Variants in MDGA2 observed in about 807,000 individuals in gnomAD.
MDGA2 encodes MAM domain containing glycosylphosphatidylinositol anchor 2, also known as MAM domain-containing glycosylphosphatidylinositol anchor protein 2.
MDGA2 carries 40 observed loss-of-function variants against 117.8 expected under a neutral mutation model. The ratio of observed to expected loss-of-function variants is 0.34; its 90% CI spans 0.26 to 0.44. The LOEUF (loss-of-function observed/expected upper bound fraction) is 0.44, where lower values mean the gene tolerates loss of function less well. MDGA2 is among the 20% of genes least tolerant of loss of function. The pLI is 1.00. For synonymous variants in MDGA2, 452 were observed against 439.0 expected (o/e 1.03, Z -0.37); for missense variants, 1,123 against 1,250.6 (o/e 0.90, Z 1.54).
In MDGA2 at chr14:47,486,086, C is replaced by T. The variant is rs11848188; in HGVS notation, c.281-184536G>A. On this transcript the variant is annotated intron_variant, in intron 1 of 16. Coordinates refer to ENST00000399232, the MANE Select transcript of MDGA2 (RefSeq NM_001113498.3). ...AGATCCACGGACAGCCTGCATCATG[C>T]GCCTGGAAAAGCTGCAGACACTCAA... is the stretch of plus-strand genomic sequence containing the variant. Among the ~76,000 whole-genome samples, 342 of 152,292 alleles carry T rather than the reference C, an allele frequency of 2.2e-3. 2 individuals are homozygous for T. Among genetic ancestry groups the T allele is most frequent in the African/African-American group, 7.5e-3 (313 of 41,558 alleles).
chr14:47,410,757 C>G (rs2138484977), intron 1 of MDGA2, among the ~76,000 whole-genome samples: 1 of 152,206 alleles, frequency 6.6e-6, no homozygotes, highest in East Asian at 1.9e-4. Context: ...ACCGTAAGTT[C>G]TCTCTAAATT....
At chr14:46,863,262 T>C (rs1206239470) in intron 14 of MDGA2, among the ~76,000 whole-genome samples, 1 of 152,154 alleles carries the variant, frequency 6.6e-6, no homozygotes, top group Non-Finnish European at 1.5e-5. Context: ...CTCTCCCTTG[T>C]TCACCCACGC....
At chr14:47,420,571 T>C (rs1892558271) in intron 1 of MDGA2, among the ~76,000 whole-genome samples, 2 of 152,094 alleles carry the variant, frequency 1.3e-5, no homozygotes, top group Admixed American at 6.6e-5. Context: ...AAACACAAAT[T>C]CTAAAATTTG....
At chr14:47,297,639 CT>C (rs1889123999) in intron 2 of MDGA2, among the ~76,000 whole-genome samples, 1 of 152,218 alleles carries the variant, frequency 6.6e-6, no homozygotes, top group African/African-American at 2.4e-5. Context: ...TACTTTCTTT[CT>C]TTCTTACTTC....
chr14:47,640,979 A>G (rs1412407720), intron 1 of MDGA2, among the ~76,000 whole-genome samples: 6 of 151,976 alleles, frequency 3.9e-5, no homozygotes, highest in African/African-American at 1.4e-4. Context: ...CGAATAAGCA[A>G]GTTCGCAATG....
chr14:47,583,132 C>G (rs970411516), intron 1 of MDGA2, among the ~76,000 whole-genome samples: 1 of 151,870 alleles, frequency 6.6e-6, no homozygotes, highest in African/African-American at 2.4e-5. Flanking sequence ...GTAAGCCAGA[C>G]AGAAAAGGTC....
At position 47,131,599 on chromosome 14, in the gene MDGA2, G is replaced by A. The variant is rs1158995531; in HGVS notation, c.925+115C>T. The A allele has an allele frequency of 1.8e-5, 13 of 726,822 alleles. No homozygotes were observed. In the East Asian group the frequency reaches 3.4e-4, roughly 19 times the overall value. The allele number at this position is 726,822 out of a possible 1,614,324, so 45.0% of individuals were successfully genotyped here. A position where few individuals can be genotyped will look rare whatever the true frequency, so the allele number is the denominator to read the frequency against. ...TATCCCAGGATTTTCTGGGAATAAAGGTGCTTATTCCTACATACACCGTAG... is the reference window on the plus strand; with the variant it reads ...TATCCCAGGATTTTCTGGGAATAAAAGTGCTTATTCCTACATACACCGTAG... On this transcript the variant is annotated intron_variant, in intron 5 of 16. Transcript: ENST00000399232.
At chr14:47,632,373 C>A (rs1036152878) in intron 1 of MDGA2, among the ~76,000 whole-genome samples, 1 of 152,138 alleles carries the variant, frequency 6.6e-6, no homozygotes, top group Non-Finnish European at 1.5e-5. Flanking sequence ...AATATGTCTT[C>A]TTGATATCAT....
At chr14:47,535,618 A>C (rs1345858681) in intron 1 of MDGA2, among the ~76,000 whole-genome samples, 4 of 152,220 alleles carry the variant, frequency 2.6e-5, no homozygotes, top group Non-Finnish European at 5.9e-5. Flanking sequence ...TGACAGGCTA[A>C]AAATAGAAGC....
chr14:47,076,693 C>A (rs1443882139), intron 6 of MDGA2, among the ~76,000 whole-genome samples: 1 of 151,876 alleles, frequency 6.6e-6, no homozygotes, highest in Admixed American at 6.6e-5. Context: ...ACTATATGAA[C>A]CATGCACCTT....
chr14:46,990,877 C>T (rs1228705709), intron 8 of MDGA2, among the ~76,000 whole-genome samples: 1 of 142,314 alleles, frequency 7.0e-6, no homozygotes, highest in Non-Finnish European at 1.5e-5. Context: ...CACACACACA[C>T]ACACACACAC....
intron 1 of MDGA2, among the ~76,000 whole-genome samples, chr14:47,343,856 A>G (rs1260067925): frequency 3.3e-5 from 5 of 152,142 alleles, no homozygotes; most frequent in Admixed American, 2.0e-4. Flanking sequence ...GGTAATATGC[A>G]TTAATTCAGA....
At chr14:47,603,716 T>C (rs1167100845) in intron 1 of MDGA2, among the ~76,000 whole-genome samples, 1 of 152,136 alleles carries the variant, frequency 6.6e-6, no homozygotes, top group African/African-American at 2.4e-5. Context: ...TGATATGATT[T>C]GGATGTGTCC....
intron 1 of MDGA2, among the ~76,000 whole-genome samples, chr14:47,630,665 A>G (rs1326248775): frequency 6.6e-6 from 1 of 152,218 alleles, no homozygotes; most frequent in African/African-American, 2.4e-5. Flanking sequence ...AACTCTGAGA[A>G]TGAATTATTA....
intron 1 of MDGA2, among the ~76,000 whole-genome samples, chr14:47,390,245 T>A (rs1891863420): frequency 6.6e-6 from 1 of 152,220 alleles, no homozygotes; most frequent in Non-Finnish European, 1.5e-5. Context: ...TCCTCTTCTC[T>A]TTGCAATATA....
intron 2 of MDGA2, among the ~76,000 whole-genome samples, chr14:47,277,934 C>A (rs192817684): frequency 2.4e-4 from 36 of 152,018 alleles, no homozygotes; most frequent in African/African-American, 8.0e-4. Flanking sequence ...ACAAAGTGAG[C>A]CCAGAGATGA....
chr14:47,096,790 A>G, intron 6 of MDGA2, 64 bp downstream of exon 6: 1 of 1,509,652 alleles, frequency 6.6e-7, no homozygotes. Context: ...TATATCAACC[A>G]TTATTTGCTT....
chr14:47,138,505 T>C (rs1424274275), intron 4 of MDGA2, among the ~76,000 whole-genome samples: 1 of 152,092 alleles, frequency 6.6e-6, no homozygotes, highest in African/African-American at 2.4e-5. Context: ...TAACATTTCT[T>C]AAACAATTAC....
chr14:47,421,113 A>G (rs536083508), intron 1 of MDGA2, among the ~76,000 whole-genome samples: 2 of 152,234 alleles, frequency 1.3e-5, no homozygotes, highest in African/African-American at 4.8e-5. Flanking sequence ...TGGTCAATCA[A>G]TAACCCCTAA....
Sources: gnomAD v4.1 joint callset for allele counts (sites outside exome capture counted in the v4.1 genomes callset) on GRCh38, gnomAD v4.1.1 for gene constraint, MANE v1.5 for transcripts, NCBI Gene and HGNC (gene_info 2026-07-23, HGNC 2026-07-21) for gene names.